The following ADGRD1 variants were observed in gnomAD, a reference collection of about 807,000 sequenced individuals.
ADGRD1 encodes the protein adhesion G protein-coupled receptor D1, also known as G-protein coupled receptor 133.
ADGRD1 carries 77 observed loss-of-function variants against 113.4 expected under a neutral mutation model. The ratio of observed to expected loss-of-function variants is 0.68; its 90% CI spans 0.57 to 0.82. The LOEUF (loss-of-function observed/expected upper bound fraction) is 0.82. Among genes scored for constraint, ADGRD1 ranks in the 40% least tolerant of loss-of-function variants. ADGRD1 has a pLI of 0.00. For synonymous variants in ADGRD1, 474 were observed against 475.0 expected (o/e 1.00, Z 0.03); for missense variants, 1,036 against 1,139.1 (o/e 0.91, Z 1.30).
chr12:131,102,972 T>A (rs1950126495), intron 15 of ADGRD1, among the ~76,000 whole-genome samples: 1 of 152,224 alleles, frequency 6.6e-6, no homozygotes, highest in African/African-American at 2.4e-5. Flanking sequence ...GGGATACTGA[T>A]GGGCTCCCCT....
chr12:131,135,783 G>A (rs1205672956), intron 21 of ADGRD1, among the ~76,000 whole-genome samples: 1 of 152,206 alleles, frequency 6.6e-6, no homozygotes, highest in East Asian at 1.9e-4. Context: ...TGGCCTAGGT[G>A]AGCCCTGGGT....
At chr12:131,122,963 CTTG>C (rs796768656) in intron 20 of ADGRD1, among the ~76,000 whole-genome samples, 8 of 150,600 alleles carry the variant, frequency 5.3e-5, no homozygotes, top group African/African-American at 1.9e-4. Context: ...TACCCCACTC[CTTG>C]TTGTCAGTGG....
intron 20 of ADGRD1, among the ~76,000 whole-genome samples, chr12:131,123,038 A>AGTTTTT (rs1950637428): frequency 8.5e-5 from 3 of 35,386 alleles, no homozygotes; most frequent in East Asian, 9.5e-4. Flanking sequence ...TTACCTGGGG[A>AGTTTTT]GTTTTTTTTT....
chr12:130,997,109 T>C (rs1308112), intron 8 of ADGRD1, among the ~76,000 whole-genome samples: 43 of 89,422 alleles, frequency 4.8e-4, no homozygotes, highest in South Asian at 9.6e-4. Flanking sequence ...CCTCACCTCC[T>C]GGACGGGGCG....
chr12:131,011,177 C>T (rs1877837129), intron 12 of ADGRD1, among the ~76,000 whole-genome samples: 1 of 138,142 alleles, frequency 7.2e-6, no homozygotes, highest in South Asian at 2.5e-4. Context: ...CCCACCTCAC[C>T]CCTGCCCCAC....
intron 20 of ADGRD1, among the ~76,000 whole-genome samples, chr12:131,126,292 G>T (rs949349545): frequency 6.6e-6 from 1 of 152,132 alleles, no homozygotes; most frequent in African/African-American, 2.4e-5. Flanking sequence ...CTCTCTCTCT[G>T]TGCTCTCTTG....
At chr12:130,981,545 A>C (rs1375231323) in intron 4 of ADGRD1, among the ~76,000 whole-genome samples, 1 of 152,084 alleles carries the variant, frequency 6.6e-6, no homozygotes, top group Non-Finnish European at 1.5e-5. Context: ...GGGGCGGGGA[A>C]CTGCCTGGGG....
At chr12:131,014,169 A>G in intron 12 of ADGRD1, 30 bp from the exon 13 acceptor site, 1 of 1,608,052 alleles carries the variant, frequency 6.2e-7, no homozygotes, top group South Asian at 1.1e-5. Context: ...TGCGTTTCCC[A>G]TTTTGTAATG....
chr12:131,012,643 A>G, intron 12 of ADGRD1, among the ~76,000 whole-genome samples: 1 of 152,316 alleles, frequency 6.6e-6, no homozygotes, highest in East Asian at 1.9e-4. Context: ...CTCCTGCTCC[A>G]TGAGCCCCAC....
chr12:130,987,254 C>G lies in ADGRD1; in HGVS notation c.650C>G (p.Ala217Gly). 1 of 1,614,168 alleles carries G rather than the reference C, an allele frequency of 6.2e-7. No homozygotes were observed. The highest frequency in any genetic ancestry group is 8.5e-7 in the Non-Finnish European group (1 of 1,179,996). ...GTGATAGGGTCTGAGCAGGACCAGG[C>G]CAAGTGTTATGAGAACGGTGCTTTC... ...NLVIGSEQDQAKCYENGAFDE... is the reference protein window; with the variant it reads ...NLVIGSEQDQGKCYENGAFDE... Residue 217 changes from alanine (A) to glycine (G), a missense_variant, in exon 6 of 25, where the codon GCC becomes GGC. Transcript: ENST00000261654.
At chr12:130,992,418 G>C in intron 8 of ADGRD1, 26 bp downstream of exon 8, 2 of 1,598,504 alleles carry the variant, frequency 1.3e-6, no homozygotes, top group Non-Finnish European at 1.7e-6. Flanking sequence ...GTCTGTGTCT[G>C]GTGGACCGGG....
rs571521249 is a variant in ADGRD1, at chr12:131,136,821, C to T, written c.2395-152C>T. 4.2e-4 allele frequency: 294 copies of T among 702,812 alleles called. 2 individuals carry two copies. The highest frequency in any genetic ancestry group is 1.2e-3 in the Admixed American group (57 of 46,902). 43.5% of individuals were successfully genotyped at this position (702,812 alleles called of 1,614,324 possible). On this transcript the variant is annotated intron_variant, in intron 22 of 24. Coordinates refer to ENST00000261654, the MANE Select transcript of ADGRD1 (RefSeq NM_198827.5). ...GGTTGGATCATGGTGGGACCCAGGA[C>T]GCCTCTCCGTCCTCACGGGCCCCAG...
At chr12:131,087,528 G>A (rs944014270) in intron 15 of ADGRD1, among the ~76,000 whole-genome samples, 8 of 152,366 alleles carry the variant, frequency 5.3e-5, no homozygotes, top group African/African-American at 1.4e-4. Context: ...GCTCAGGGCC[G>A]TGGGGTTTTA....
At chr12:131,095,850 T>C (rs1225120940) in intron 15 of ADGRD1, among the ~76,000 whole-genome samples, 1 of 152,134 alleles carries the variant, frequency 6.6e-6, no homozygotes, top group East Asian at 1.9e-4. Context: ...CGAGGGTTCT[T>C]TTTGGGACAT....
intron 13 of ADGRD1, among the ~76,000 whole-genome samples, chr12:131,019,955 C>T (rs12833623): frequency 2.1e-5 from 1 of 48,480 alleles, no homozygotes; most frequent in Admixed American, 1.6e-4. Context: ...GGAAGGACCC[C>T]GAGCTCCGTC....
Position 131,131,779 on chromosome 12 carries a change from GACA to G in ADGRD1, c.2233_2235del (p.Asn745del). On this transcript the variant is annotated inframe_deletion, in exon 21 of 25. Transcript: ENST00000261654. ...CAGAGTCATCTCACAGATCAGCGCC[GACA>G]ACTACAAGATCCATGGAGACCCCAG... 6.2e-7 allele frequency: 1 copy of G among 1,613,024 alleles called. No homozygotes were observed. The highest frequency in any genetic ancestry group is 8.5e-7 in the Non-Finnish European group (1 of 1,179,348).
chr12:130,983,122 A>G (rs1873219032), intron 5 of ADGRD1, among the ~76,000 whole-genome samples: 1 of 152,194 alleles, frequency 6.6e-6, no homozygotes, highest in Non-Finnish European at 1.5e-5. Flanking sequence ...CACCTTCCCT[A>G]ACTGCCCTAT....
chr12:131,028,825 C>A (rs1880282822), intron 13 of ADGRD1, among the ~76,000 whole-genome samples: 1 of 152,224 alleles, frequency 6.6e-6, no homozygotes, highest in African/African-American at 2.4e-5. Flanking sequence ...ACGTCCTATG[C>A]CAAGGCCTGA....
intron 5 of ADGRD1, among the ~76,000 whole-genome samples, chr12:130,983,912 A>G (rs374601749): frequency 1.3e-4 from 20 of 152,212 alleles, no homozygotes; most frequent in Non-Finnish European, 1.0e-4. Context: ...TGGGGGAATC[A>G]ACAGTCAAAG....
Sources: gnomAD v4.1 joint callset for allele counts (sites outside exome capture counted in the v4.1 genomes callset) on GRCh38, gnomAD v4.1.1 for gene constraint, MANE v1.5 for transcripts, NCBI Gene and HGNC (gene_info 2026-07-23, HGNC 2026-07-21) for gene names.